KCNK16: variants seen among roughly 807,000 people sequenced by gnomAD.
KCNK16 encodes the protein potassium two pore domain channel subfamily K member 16.
Under a neutral mutation model 23.0 loss-of-function variants are expected in KCNK16, and 23 were observed. The observed-to-expected ratio is 1.00, with a 90% CI of 0.72 to 1.41. The LOEUF is 1.41. Ranked by LOEUF, KCNK16 falls within the 40% of genes most tolerant of loss-of-function variation. The probability of loss-of-function intolerance (pLI) is 0.00; values close to 1 mark genes in which losing one functional copy is unlikely to be tolerated. For missense variants in KCNK16, 327 were observed against 365.8 expected (o/e 0.89, Z 0.87); for synonymous variants, 145 against 153.5 (o/e 0.94, Z 0.41).
At chr6:39,314,957 T>G (rs199976610), downstream of KCNK16, 20 of 1,513,572 alleles carry the variant, frequency 1.3e-5, no homozygotes, top group Non-Finnish European at 1.8e-5. Flanking sequence ...TCCCTCTACC[T>G]GGAGTGGAGG....
chr6:39,322,308 C>A lies in KCNK16; in HGVS notation c.213+20G>T. 6.2e-7 allele frequency: 1 copy of A among 1,603,580 alleles called. No individual in the cohort carries two copies. Among genetic ancestry groups the A allele is most frequent in the Middle Eastern group, 1.7e-4 (1 of 6,038 alleles). ...CCTTCCCAAGCCTCTCCATCCCAAT[C>A]CCACATCGCTCCCCTTCACCTGCAC... On this transcript the variant is annotated intron_variant, in intron 1 of 4. Coordinates refer to ENST00000437525, the MANE Select transcript of KCNK16 (RefSeq NM_001135106.2).
intron 3 of KCNK16, 146 bp from the exon 4 acceptor site, chr6:39,317,093 G>A (rs561585136): frequency 4.4e-5 from 34 of 775,412 alleles, no homozygotes; most frequent in Middle Eastern, 7.6e-4. Flanking sequence ...GGTGGAGGTT[G>A]TATCTATGTG....
At position 39,319,836 on chromosome 6, in the gene KCNK16, CAT is replaced by C. The variant is rs559924299; in HGVS notation, c.214-705_214-704del. Among the ~76,000 whole-genome samples the C allele has an allele frequency of 2.2e-5, 3 of 136,174 alleles. No homozygotes were observed. The highest frequency in any genetic ancestry group is 3.3e-5 in the Non-Finnish European group (2 of 60,686). 89.3% of individuals were successfully genotyped at this position (136,174 alleles called of 152,430 possible). The stretch of plus-strand genomic sequence containing the variant: ...TTGTGCATGGCAACTGTATGTTGCA[CAT>C]GTGTGCATGTTTGTATGTGTGTTGC... On this transcript the variant is annotated intron_variant, in intron 1 of 4. Transcript: ENST00000437525. This position sits in a 1 kb window ranked among gnomAD's most constrained non-coding sequence, Gnocchi z 4.2.
At chr6:39,315,754 C>A (rs571880260), downstream of KCNK16, among the ~76,000 whole-genome samples, 1 of 152,296 alleles carries the variant, frequency 6.6e-6, no homozygotes, top group South Asian at 2.1e-4. Flanking sequence ...TGCCTAGCAA[C>A]TAAAGGCACA....
chr6:39,317,081 G>A (rs35099099), intron 3 of KCNK16, 134 bp from the exon 4 acceptor site: 432,836 of 838,866 alleles, frequency 0.52, 115,907 homozygotes, highest in African/African-American at 0.83. Flanking sequence ...GCAGACCCTC[G>A]AGGTGGAGGT....
intron 2 of KCNK16, 52 bp from the exon 3 acceptor site, chr6:39,318,004 G>A: frequency 4.0e-6 from 6 of 1,510,044 alleles, no homozygotes; most frequent in Non-Finnish European, 5.3e-6. Context: ...AACGCCCTCT[G>A]CTCCTCTTCC....
In KCNK16 at chr6:39,319,336, GTGTCTGTTCCAC is replaced by G. The variant is rs543252775; in HGVS notation, c.214-215_214-204del. On this transcript the variant is annotated intron_variant, in intron 1 of 4. Transcript: ENST00000437525. This position sits in a 1 kb window ranked among gnomAD's most constrained non-coding sequence, Gnocchi z 4.2. ...GCAAGGTGACTGGACTCCAACTCCA[GTGTCTGTTCCAC>G]TGTCTGTTCCACTGGCCAGGGCTGA... Among the ~76,000 whole-genome samples the G allele has an allele frequency of 1.2e-3, 180 of 152,324 alleles. No homozygotes were observed. Among genetic ancestry groups the G allele is most frequent in the African/African-American group, 4.0e-3 (168 of 41,578 alleles).
intron 1 of KCNK16, among the ~76,000 whole-genome samples, chr6:39,321,394 A>C (rs1762511008): frequency 6.6e-6 from 1 of 152,192 alleles, no homozygotes; most frequent in African/African-American, 2.4e-5. Context: ...CTCAGTTCCC[A>C]TCTACAAAGT....
chr6:39,318,099 G>T (rs775411811), intron 2 of KCNK16, 147 bp from the exon 3 acceptor site: 1 of 737,192 alleles, frequency 1.4e-6, no homozygotes, highest in Non-Finnish European at 2.0e-6. Context: ...CTGCTGGAAT[G>T]ATTTTTATTT....
In KCNK16 at chr6:39,319,658, C is replaced by G. The variant is rs1022991953; in HGVS notation, c.214-525G>C. ...CCCTAAGTGTCCAGGCGAGTGGGCACCCTTGCTCTTTGCTGCTCTCTAGTG... is the reference window on the plus strand; with the variant it reads ...CCCTAAGTGTCCAGGCGAGTGGGCAGCCTTGCTCTTTGCTGCTCTCTAGTG... On this transcript the variant is annotated intron_variant, in intron 1 of 4. Coordinates refer to ENST00000437525, the MANE Select transcript of KCNK16 (RefSeq NM_001135106.2). This position sits in a 1 kb window ranked among gnomAD's most constrained non-coding sequence, Gnocchi z 4.2. Among the ~76,000 whole-genome samples, 1 of 152,108 alleles carries G rather than the reference C, an allele frequency of 6.6e-6. No individual in the cohort carries two copies. Among genetic ancestry groups the G allele is most frequent in the Non-Finnish European group, 1.5e-5 (1 of 68,028 alleles).
chr6:39,320,314 G>A (rs16891904), intron 1 of KCNK16, among the ~76,000 whole-genome samples: 6,834 of 152,178 alleles, frequency 0.045, 240 homozygotes, highest in African/African-American at 0.087. Context: ...CAACATTCCC[G>A]AACATGCTCG....
downstream of KCNK16, chr6:39,315,567 C>G: frequency 5.7e-6 from 4 of 700,724 alleles, no homozygotes; most frequent in Non-Finnish European, 9.3e-6. Context: ...GCCTGCCCCT[C>G]GGCTGAGAGC....
At position 39,322,433 on chromosome 6, in the gene KCNK16, CTCTAGCAGCTGGAAGAT is replaced by C. The variant is rs1562092910; in HGVS notation, c.91_107del (p.Ile31GlufsTer100). On this transcript the variant is annotated frameshift_variant, in exon 1 of 5. Coordinates refer to ENST00000437525, the MANE Select transcript of KCNK16 (RefSeq NM_001135106.2). LOFTEE classifies it high-confidence loss of function. ...CCCTGGACTGAGCCTCCGCCTGCCT[CTCTAGCAGCTGGAAGAT>C]AGTGGCACCGAGCAGCAGGTAGCAG... 1.9e-6 allele frequency: 3 copies of C among 1,614,236 alleles called. No homozygotes were observed. The highest frequency in any genetic ancestry group is 1.7e-6 in the Non-Finnish European group (2 of 1,180,048).
chr6:39,316,560 G>A, intron 4 of KCNK16, 118 bp from the exon 5 acceptor site: 1 of 1,335,498 alleles, frequency 7.5e-7, no homozygotes, highest in Non-Finnish European at 1.0e-6. Context: ...ACAAGGAACA[G>A]CAGTTGAGGT....
upstream of KCNK16, chr6:39,322,900 T>C (rs927791911): frequency 4.0e-6 from 1 of 250,390 alleles, no homozygotes; most frequent in African/African-American, 2.2e-5. Context: ...ATCGGATAGG[T>C]GTGCTCACTC....
chr6:39,316,493 C>T (rs1373685307), intron 4 of KCNK16, 51 bp from the exon 5 acceptor site: 1 of 1,533,994 alleles, frequency 6.5e-7, no homozygotes, highest in Admixed American at 2.0e-5. Context: ...GGCATAGCCA[C>T]CTCCAGTTTC....
downstream of KCNK16, chr6:39,315,064 C>T: frequency 6.2e-7 from 1 of 1,614,152 alleles, no homozygotes; most frequent in Non-Finnish European, 8.5e-7. Context: ...ACTCCTCTTG[C>T]TGCTGTAGAG....
At chr6:39,322,751 G>A (rs1339584714), upstream of KCNK16, 9 of 662,808 alleles carry the variant, frequency 1.4e-5, no homozygotes, top group African/African-American at 1.1e-4. Flanking sequence ...CAAACAGGCC[G>A]GCCACCCCCA....
In KCNK16 at chr6:39,316,903, C is replaced by A. The variant is rs201892764; in HGVS notation, c.540G>T (p.Thr180=). The change falls in exon 4 of 5, where the codon ACG becomes ACT. Residue 180 remains threonine, a synonymous_variant. Transcript: ENST00000437525. ...LGLALFLTLG[T]LVILIFPPMV... ...TGGGTGGGAAGATGAGAATGACCAGCGTCCCCAGGGTCAGGAACAGAGCCA... is the reference window on the plus strand; with the variant it reads ...TGGGTGGGAAGATGAGAATGACCAGAGTCCCCAGGGTCAGGAACAGAGCCA... 4.7e-5 allele frequency: 76 copies of A among 1,613,470 alleles called. No homozygotes were observed. The highest frequency in any genetic ancestry group is 5.7e-5 in the Non-Finnish European group (67 of 1,179,886).
Sources: gnomAD v4.1 joint callset for allele counts (sites outside exome capture counted in the v4.1 genomes callset) on GRCh38, gnomAD v4.1.1 for gene constraint, Gnocchi (gnomAD v3.1) non-coding constraint, MANE v1.5 for transcripts, NCBI Gene and HGNC (gene_info 2026-07-23, HGNC 2026-07-21) for gene names.